MGAT4C: variants seen among roughly 807,000 people sequenced by gnomAD.
MGAT4C encodes the protein alpha-1,3-mannosyl-glycoprotein 4-beta-N-acetylglucosaminyltransferase C.
MGAT4C carries 19 observed loss-of-function variants against 40.1 expected under a neutral mutation model. The ratio of observed to expected loss-of-function variants is 0.47; its 90% confidence interval spans 0.33 to 0.70. The LOEUF (loss-of-function observed/expected upper bound fraction) is 0.70. MGAT4C is among the 30% of genes least tolerant of loss of function. MGAT4C has a pLI of 0.02. For synonymous variants in MGAT4C, 181 were observed against 187.1 expected (o/e 0.97, Z 0.27); for missense variants, 491 against 563.2 (o/e 0.87, Z 1.30).
intron 2 of MGAT4C, among the ~76,000 whole-genome samples, chr12:86,653,202 T>G (rs967603988): frequency 6.6e-6 from 1 of 151,926 alleles, no homozygotes; most frequent in Non-Finnish European, 1.5e-5. Context: ...GTAGTCAGAT[T>G]AAGTAATACA....
intron 2 of MGAT4C, among the ~76,000 whole-genome samples, chr12:86,628,255 C>A (rs980408421): frequency 2.0e-5 from 3 of 152,036 alleles, no homozygotes; most frequent in African/African-American, 7.2e-5. Context: ...TGTGAAAAGA[C>A]CGAATCTACA....
chr12:86,358,321 A>C (rs774300335), intron 3 of MGAT4C, among the ~76,000 whole-genome samples: 1 of 152,204 alleles, frequency 6.6e-6, no homozygotes, highest in Non-Finnish European at 1.5e-5. Context: ...AGAGGTCCTG[A>C]AGGAAGCACT....
chr12:86,696,432 A>AT (rs1950260419), intron 2 of MGAT4C, among the ~76,000 whole-genome samples: 1 of 152,200 alleles, frequency 6.6e-6, no homozygotes, highest in Admixed American at 6.6e-5. Flanking sequence ...TAAATAAATA[A>AT]TTAAGTAAAA....
intron 1 of MGAT4C, among the ~76,000 whole-genome samples, chr12:86,737,720 A>G (rs1158935122): frequency 6.6e-6 from 1 of 151,398 alleles, no homozygotes; most frequent in East Asian, 1.9e-4. Flanking sequence ...CTTCACCAAC[A>G]CAGTCAATAA....
chr12:86,107,786 C>T (rs1485061406), intron 1 of MGAT4C, among the ~76,000 whole-genome samples: 2 of 152,008 alleles, frequency 1.3e-5, no homozygotes, highest in Non-Finnish European at 2.9e-5. Flanking sequence ...AAATTGCATA[C>T]TAGGAAATTT....
chr12:86,068,599 A>C (rs950686356), intron 1 of MGAT4C: 1 of 148,978 alleles, frequency 6.7e-6, no homozygotes, highest in African/African-American at 2.5e-5. Context: ...GCATATTTAT[A>C]TTATATATAT....
At chr12:86,578,092 A>G (rs1001231199) in intron 2 of MGAT4C, among the ~76,000 whole-genome samples, 2 of 151,742 alleles carry the variant, frequency 1.3e-5, no homozygotes, top group African/African-American at 4.8e-5. Flanking sequence ...ATGTTTCATT[A>G]TATCCTCCAA....
At chr12:86,592,282 T>A (rs147462099) in intron 2 of MGAT4C, among the ~76,000 whole-genome samples, 1 of 152,138 alleles carries the variant, frequency 6.6e-6, no homozygotes, top group Non-Finnish European at 1.5e-5. Flanking sequence ...ATATTTTGAT[T>A]AGAAGACATG....
Position 86,586,073 on chromosome 12 carries a change from T to A in MGAT4C, c.-229+141136A>T, listed in dbSNP as rs374338367. Among the ~76,000 whole-genome samples, 6 of 147,152 alleles carry A rather than the reference T, an allele frequency of 4.1e-5. No individual in the cohort carries two copies. In the South Asian group the frequency reaches 1.1e-3, roughly 28 times the overall value. On this transcript the variant is annotated intron_variant, in intron 2 of 7. Transcript: ENST00000548651. ...CATTAACTCCTCATTTAGCATTAGG[T>A]ATATCTCCTAAAGCTATCCCTCCCC... is the stretch of plus-strand genomic sequence containing the variant.
At chr12:86,351,440 G>T (rs937331167) in intron 3 of MGAT4C, among the ~76,000 whole-genome samples, 2 of 151,888 alleles carry the variant, frequency 1.3e-5, no homozygotes, top group African/African-American at 4.8e-5. Flanking sequence ...AAATAAGGGA[G>T]AGATTGTCAA....
intron 1 of MGAT4C, among the ~76,000 whole-genome samples, chr12:86,835,421 T>C (rs1953017747): frequency 6.6e-6 from 1 of 151,996 alleles, no homozygotes; most frequent in Non-Finnish European, 1.5e-5. Context: ...ATATATTTGC[T>C]TTGTTCCTTG....
At chr12:86,611,941 T>C (rs1056090772) in intron 2 of MGAT4C, among the ~76,000 whole-genome samples, 3 of 152,130 alleles carry the variant, frequency 2.0e-5, no homozygotes, top group African/African-American at 7.2e-5. Context: ...TTTTAAGAAA[T>C]TAATTTGAGA....
chr12:86,084,956 T>C (rs1871476741), intron 1 of MGAT4C, among the ~76,000 whole-genome samples: 1 of 151,958 alleles, frequency 6.6e-6, no homozygotes, highest in African/African-American at 2.4e-5. Flanking sequence ...AGAGAGGTAG[T>C]GAGGAACTAC....
intron 2 of MGAT4C, among the ~76,000 whole-genome samples, chr12:86,492,332 T>A (rs1197870109): frequency 6.6e-6 from 1 of 152,174 alleles, no homozygotes; most frequent in African/African-American, 2.4e-5. Context: ...CGAGCCCGCA[T>A]TGCCAAGTCA....
chr12:86,043,748 G>T (rs1360327594), intron 2 of MGAT4C, among the ~76,000 whole-genome samples: 1 of 152,242 alleles, frequency 6.6e-6, no homozygotes, highest in South Asian at 2.1e-4. Context: ...CTCTCTTTCA[G>T]GGATGTCAAT....
intron 1 of MGAT4C, among the ~76,000 whole-genome samples, chr12:86,827,160 C>A (rs766880134): frequency 6.3e-4 from 96 of 151,442 alleles, no homozygotes; most frequent in Admixed American, 4.6e-3. Context: ...CATCTAAAAT[C>A]ATTTTAATTG....
intron 2 of MGAT4C, among the ~76,000 whole-genome samples, chr12:86,491,344 A>T (rs1958130162): frequency 6.6e-6 from 1 of 152,162 alleles, no homozygotes; most frequent in African/African-American, 2.4e-5. Flanking sequence ...CACAACCAAA[A>T]AAAAGAATTT....
chr12:86,094,523 CA>C (rs1377863145), intron 1 of MGAT4C, among the ~76,000 whole-genome samples: 1 of 152,008 alleles, frequency 6.6e-6, no homozygotes, highest in South Asian at 2.1e-4. Context: ...TTTTAAAAGA[CA>C]AAAGTATATC....
intron 1 of MGAT4C, among the ~76,000 whole-genome samples, chr12:86,169,810 C>T (rs1886616501): frequency 1.3e-5 from 2 of 152,028 alleles, no homozygotes; most frequent in Non-Finnish European, 1.5e-5. Context: ...TCAAAAACTA[C>T]CAAAGCCCAG....
Sources: gnomAD v4.1 joint callset for allele counts (sites outside exome capture counted in the v4.1 genomes callset) on GRCh38, gnomAD v4.1.1 for gene constraint, MANE v1.5 for transcripts, NCBI Gene and HGNC (gene_info 2026-07-23, HGNC 2026-07-21) for gene names.